Variants in PTK2 observed in about 807,000 individuals in gnomAD.
The protein encoded by PTK2 is protein tyrosine kinase 2.
PTK2 carries 45 observed loss-of-function variants against 150.1 expected under a neutral mutation model. The observed-to-expected ratio is 0.30, with a 90% confidence interval of 0.24 to 0.38. PTK2 has a LOEUF of 0.38. Among genes scored for constraint, PTK2 ranks in the 10% least tolerant of loss-of-function variants. The pLI is 1.00. For synonymous variants in PTK2, 432 were observed against 449.2 expected, an observed-to-expected ratio of 0.96 and a Z score of 0.48; for missense variants, 919 against 1,307.3, an observed-to-expected ratio of 0.70 and a Z score of 4.58.
At position 140,730,964 on chromosome 8, in the gene PTK2, C is replaced by T. The variant is rs1383186891; in HGVS notation, c.2030+4287G>A. Among the ~76,000 whole-genome samples the T allele has an allele frequency of 1.5e-4, 21 of 137,990 alleles. No homozygotes were observed. In the East Asian group the frequency reaches 1.7e-3, roughly 11 times the overall value. The allele number at this position is 137,990 out of a possible 152,430, so 90.5% of individuals were successfully genotyped here. A position where few individuals can be genotyped will look rare whatever the true frequency, so the allele number is the denominator to read the frequency against. On this transcript the variant is annotated intron_variant, in intron 22 of 31. Coordinates refer to ENST00000522684, the Ensembl canonical transcript of PTK2. Reference sequence around the variant, plus strand: ...AGGAATTAAATTAAACCCCCCCCCCCCTTTTTTTTTTGAGACAAAGTCTCA... The same window carrying T: ...AGGAATTAAATTAAACCCCCCCCCCTCTTTTTTTTTTGAGACAAAGTCTCA...
chr8:140,951,997 G>A (rs889776379), intron 1 of PTK2, among the ~76,000 whole-genome samples: 6 of 151,446 alleles, frequency 4.0e-5, no homozygotes, highest in Non-Finnish European at 5.9e-5. Context: ...TTAGACTTTC[G>A]TTTCCCAGCA....
At chr8:140,806,196 T>C (rs896084752) in intron 10 of PTK2, among the ~76,000 whole-genome samples, 6 of 152,240 alleles carry the variant, frequency 3.9e-5, no homozygotes, top group Non-Finnish European at 8.8e-5. Context: ...CCACAAAGTA[T>C]GCTCTGCATT....
chr8:140,777,830 T>C (rs917019137), intron 14 of PTK2, among the ~76,000 whole-genome samples: 8 of 152,210 alleles, frequency 5.3e-5, no homozygotes, highest in African/African-American at 1.9e-4. Context: ...GCTACCATTT[T>C]CTGAACACGC....
chr8:140,855,700 T>C (rs2100132151), intron 5 of PTK2, among the ~76,000 whole-genome samples: 1 of 152,098 alleles, frequency 6.6e-6, no homozygotes, highest in Non-Finnish European at 1.5e-5. Flanking sequence ...AGGACTAGTA[T>C]ACAAGGTACA....
chr8:140,909,799 C>T (rs1262318528), intron 2 of PTK2, among the ~76,000 whole-genome samples: 1 of 152,064 alleles, frequency 6.6e-6, no homozygotes, highest in Non-Finnish European at 1.5e-5. Flanking sequence ...TGAGACCTTC[C>T]CATGGATCAT....
chr8:140,780,474 G>T (rs1247614805), intron 14 of PTK2, among the ~76,000 whole-genome samples: 1 of 151,992 alleles, frequency 6.6e-6, no homozygotes, highest in Non-Finnish European at 1.5e-5. Flanking sequence ...GAAATAAACG[G>T]GCCAGAAAAG....
intron 1 of PTK2, among the ~76,000 whole-genome samples, chr8:140,998,570 G>A (rs2154610446): frequency 6.6e-6 from 1 of 152,016 alleles, no homozygotes; most frequent in East Asian, 1.9e-4. Context: ...TGTAATCCCA[G>A]CACTTTGGGA....
intron 10 of PTK2, among the ~76,000 whole-genome samples, chr8:140,813,449 T>C (rs2100102794): frequency 6.6e-6 from 1 of 151,454 alleles, no homozygotes; most frequent in Non-Finnish European, 1.5e-5. Context: ...AAACATTCTC[T>C]CGGAGCACAG....
At chr8:140,805,190 G>A (rs2100097521) in intron 10 of PTK2, among the ~76,000 whole-genome samples, 1 of 152,150 alleles carries the variant, frequency 6.6e-6, no homozygotes, top group Non-Finnish European at 1.5e-5. Context: ...ATGTCTGCAA[G>A]AGATTACTAA....
chr8:140,731,162 G>T (rs1203575652), intron 22 of PTK2, among the ~76,000 whole-genome samples: 1 of 152,046 alleles, frequency 6.6e-6, no homozygotes, highest in Non-Finnish European at 1.5e-5. Context: ...GTTTCACCAT[G>T]TTGGCCAGGT....
intron 2 of PTK2, among the ~76,000 whole-genome samples, chr8:140,902,927 T>TTTTGTTTTTTTTTTTG (rs1214780450): frequency 2.9e-5 from 1 of 34,832 alleles, no homozygotes; most frequent in Non-Finnish European, 5.4e-5. Context: ...GAGAGTTGTT[T>TTTTGTTTTTTTTTTTG]TTTTTTTTTT....
intron 14 of PTK2, among the ~76,000 whole-genome samples, chr8:140,769,338 G>A (rs979358511): frequency 2.0e-5 from 3 of 152,016 alleles, no homozygotes; most frequent in Non-Finnish European, 4.4e-5. Context: ...ATGAAATCTA[G>A]GAAATTTACT....
At chr8:140,979,416 G>A (rs1377790953) in intron 1 of PTK2, among the ~76,000 whole-genome samples, 32 of 137,468 alleles carry the variant, frequency 2.3e-4, no homozygotes, top group African/African-American at 5.9e-4. Flanking sequence ...AAAAAAAAAA[G>A]GCCAGAAACT....
At position 140,991,865 on chromosome 8, in the gene PTK2, T is replaced by C. The variant is rs536864971; in HGVS notation, c.-122+9260A>G. On this transcript the variant is annotated intron_variant, in intron 1 of 31. Transcript: ENST00000522684. Reference sequence around the variant, plus strand: ...CTCTACAAAGTATGCAAAAATCAGCTAGGCGTAGTGGCATGCGCCTGTAGT... The same window carrying C: ...CTCTACAAAGTATGCAAAAATCAGCCAGGCGTAGTGGCATGCGCCTGTAGT... Among the ~76,000 whole-genome samples the C allele has an allele frequency of 4.9e-4, 74 of 150,350 alleles. 1 individual carries two copies. The highest frequency in any genetic ancestry group is 1.6e-3 in the African/African-American group (65 of 39,778).
rs184839277 is a variant in PTK2 at position 140,832,419 on chromosome 8, A to G, written c.594-1893T>C. On this transcript the variant is annotated intron_variant, in intron 7 of 31. Coordinates refer to ENST00000522684, the Ensembl canonical transcript of PTK2. ...ACAGACTTGCTGTTAACACCTGCGA[A>G]CCTCCGGTTACTTGTAAAGTGGGGA... Among the ~76,000 whole-genome samples the G allele has an allele frequency of 1.8e-3, 274 of 152,172 alleles. 1 individual carries two copies. The South Asian group carries it at 0.026, about 15-fold the overall frequency.
intron 4 of PTK2, among the ~76,000 whole-genome samples, chr8:140,872,452 T>C (rs2100143091): frequency 6.6e-6 from 1 of 152,268 alleles, no homozygotes; most frequent in Non-Finnish European, 1.5e-5. Flanking sequence ...TAAACATTTT[T>C]GCCTGACTCA....
At chr8:140,675,588 A>G in intron 27 of PTK2, 89 bp from the exon 31 acceptor site, 1 of 971,082 alleles carries the variant, frequency 1.0e-6, no homozygotes. Context: ...CACCCCCTTG[A>G]ACTTCTAGGC....
At chr8:140,730,310 T>C (rs1265855684) in intron 22 of PTK2, among the ~76,000 whole-genome samples, 3 of 152,170 alleles carry the variant, frequency 2.0e-5, no homozygotes, top group Non-Finnish European at 4.4e-5. Context: ...GAATAAACTA[T>C]AGGATATTCA....
intron 1 of PTK2, among the ~76,000 whole-genome samples, chr8:140,928,891 C>T (rs895973750): frequency 2.0e-5 from 3 of 147,368 alleles, no homozygotes; most frequent in Non-Finnish European, 3.0e-5. Flanking sequence ...ACTACTGGAA[C>T]AGTAAGTACA....
Sources: allele counts gnomAD v4.1 joint callset (sites outside exome capture counted in the v4.1 genomes callset), GRCh38; gene constraint gnomAD v4.1.1; transcripts MANE v1.5; gene names NCBI Gene and HGNC (gene_info 2026-07-23, HGNC 2026-07-21).